Variants in MAPK8IP2 observed in about 807,000 individuals in gnomAD.
MAPK8IP2 encodes the protein C-Jun-amino-terminal kinase-interacting protein 2.
Under a neutral mutation model 75.6 loss-of-function variants are expected in MAPK8IP2, and 15 were observed. The observed-to-expected ratio is 0.20, with a 90% CI of 0.13 to 0.31. MAPK8IP2 has a LOEUF of 0.31. Ranked by LOEUF, MAPK8IP2 falls within the 10% of genes least tolerant of loss-of-function variation. The pLI is 1.00. For missense variants in MAPK8IP2, 1,089 were observed against 1,211.2 expected, an observed-to-expected ratio of 0.90 and a Z score of 1.50; for synonymous variants, 632 against 554.5, an observed-to-expected ratio of 1.14 and a Z score of -1.96.
At chr22:50,606,030 A>T in intron 8 of MAPK8IP2, 96 bp downstream of exon 8, 2 of 1,017,786 alleles carry the variant, frequency 2.0e-6, no homozygotes, top group Non-Finnish European at 2.9e-6. Context: ...CCAAGGTCTG[A>T]GGTCTGATTT....
chr22:50,608,915 A>G (rs1278596725), intron 10 of MAPK8IP2, among the ~76,000 whole-genome samples: 1 of 152,182 alleles, frequency 6.6e-6, no homozygotes, highest in East Asian at 1.9e-4. Flanking sequence ...ATTTCTCATC[A>G]GAAGGAAACT....
Position 50,610,237 on chromosome 22 carries a change from C to A in MAPK8IP2, c.2329C>A (p.Pro777Thr). The part of the protein sequence containing the change: ...SCYFGFITKH[P>T]LLSRFACHVF... Reference sequence around the variant, plus strand: ...CTATTTCGGCTTCATCACCAAACACCCCCTGCTGAGCCGCTTCGCCTGCCA... The same window carrying A: ...CTATTTCGGCTTCATCACCAAACACACCCTGCTGAGCCGCTTCGCCTGCCA... Residue 777 changes from proline (P) to threonine (T), a missense_variant, in exon 11 of 12, where the codon CCC (proline) becomes ACC (threonine). By Grantham distance (38) the Pro-to-Thr change is conservative. Around this residue, in one of 2 missense-constraint regions of MAPK8IP2, gnomAD observed 129 missense variants for 201.7 expected, o/e 0.64. Coordinates refer to ENST00000329492, the MANE Select transcript of MAPK8IP2 (RefSeq NM_012324.6). This position sits in a 1 kb window ranked among gnomAD's most constrained non-coding sequence, Gnocchi z 4.3. 1.2e-6 allele frequency: 2 copies of A among 1,603,300 alleles called. No homozygotes were observed. The highest frequency in any genetic ancestry group is 1.1e-5 in the South Asian group (1 of 89,112).
chr22:50,603,268 T>C lies in MAPK8IP2; in HGVS notation c.217T>C (p.Ser73Pro), dbSNP rs1314999733. Residue 73 changes from serine to proline, a missense_variant, in exon 3 of 12, where the codon TCC becomes CCC. Ser to Pro is a moderately conservative substitution (Grantham distance 74). Transcript: ENST00000329492. ...GRSEQPHPIC[S>P]FQDDFQEFEM... ...CTCGGAGCAGCCGCACCCCATCTGC[T>C]CCTTCCAGGATGACTTCCAGGAGTT... 1 of 1,598,534 alleles carries C rather than the reference T, an allele frequency of 6.3e-7. No homozygotes were observed. Among genetic ancestry groups the C allele is most frequent in the South Asian group, 1.1e-5 (1 of 89,176 alleles).
intron 1 of MAPK8IP2, chr22:50,601,454 T>TCGAATGAG: frequency 4.0e-6 from 1 of 252,828 alleles, no homozygotes; most frequent in South Asian, 6.6e-5. Flanking sequence ...CGCTGCCGCG[T>TCGAATGAG]TGCAGCTCCC....
At position 50,604,262 on chromosome 22, in the gene MAPK8IP2, C is replaced by T. The variant is rs962368990; in HGVS notation, c.963C>T (p.Pro321=). Residue 321 remains proline (P), a synonymous_variant, in exon 5 of 12, where the codon CCC becomes CCT. Coordinates refer to ENST00000329492, the MANE Select transcript of MAPK8IP2 (RefSeq NM_012324.6). The stretch of plus-strand genomic sequence containing the variant: ...CCCCGCGCCGCCCCGCCTTCCTGCC[C>T]GTGGGCCCCGACGACACCAACAGCG... ...REPPRRPAFL[P]VGPDDTNSEY... 1.3e-6 allele frequency: 2 copies of T among 1,568,310 alleles called. No homozygotes were observed. Among genetic ancestry groups the T allele is most frequent in the South Asian group, 1.1e-5 (1 of 87,142 alleles).
chr22:50,604,724 C>T lies in MAPK8IP2; in HGVS notation c.1425C>T (p.Asp475=), dbSNP rs1368706740. ...AACSEEEDEE[D]DEEEEDAEDS... is the part of the protein sequence containing the mutation. Reference sequence around the variant, plus strand: ...GCTCCGAGGAGGAGGACGAAGAGGACGACGAGGAAGAGGAGGATGCCGAGG... The same window carrying T: ...GCTCCGAGGAGGAGGACGAAGAGGATGACGAGGAAGAGGAGGATGCCGAGG... Residue 475 remains aspartate, a synonymous_variant, in exon 5 of 12, where the codon GAC becomes GAT. Transcript: ENST00000329492. 6 of 1,534,538 alleles carry T rather than the reference C, an allele frequency of 3.9e-6. No individual in the cohort carries two copies. Among genetic ancestry groups the T allele is most frequent in the East Asian group, 4.9e-5 (2 of 40,594 alleles).
chr22:50,612,109 T>TTGCA lies in MAPK8IP2; in HGVS notation c.*1331_*1334dup, dbSNP rs1202740962. On this transcript the variant is annotated 3_prime_UTR_variant, in exon 12 of 12. Coordinates refer to ENST00000329492, the MANE Select transcript of MAPK8IP2 (RefSeq NM_012324.6). ...ATCGCTTGAACCTGGGAGGCGGAGGTTGCAGTGAGCCAAGATTGCACCACT... is the reference window on the plus strand; with the variant it reads ...ATCGCTTGAACCTGGGAGGCGGAGGTTGCATGCAGTGAGCCAAGATTGCACCACT... 1 of 152,080 alleles carries TTGCA rather than the reference T, an allele frequency of 6.6e-6. No individual in the cohort carries two copies. The highest frequency in any genetic ancestry group is 1.5e-5 in the Non-Finnish European group (1 of 68,036). 9.4% of individuals were successfully genotyped at this position (152,080 alleles called of 1,614,324 possible). A position where few individuals can be genotyped will look rare whatever the true frequency, so the allele number is the denominator to read the frequency against.
rs1042132157 is a variant in MAPK8IP2 at position 50,610,380 on chromosome 22, A to C, written c.2402+70A>C. On this transcript the variant is annotated intron_variant, in intron 11 of 11. Coordinates refer to ENST00000329492, the MANE Select transcript of MAPK8IP2 (RefSeq NM_012324.6). The surrounding 1 kb of genome is among the most constrained non-coding windows in gnomAD (Gnocchi z 4.3). ...ACGGAGGTGGGGAGCGGAGGTGAGC[A>C]GGTGGGGGCAGGAGCCTGGCAGGGG... is the stretch of plus-strand genomic sequence containing the variant. 7.6e-7 allele frequency: 1 copy of C among 1,308,324 alleles called. No homozygotes were observed. The highest frequency in any genetic ancestry group is 2.0e-5 in the Admixed American group (1 of 50,760). 81.0% of individuals were successfully genotyped at this position (1,308,324 alleles called of 1,614,324 possible). A position where few individuals can be genotyped will look rare whatever the true frequency, so the allele number is the denominator to read the frequency against.
chr22:50,604,090 T>A lies in MAPK8IP2; in HGVS notation c.791T>A (p.Leu264Gln). The A allele has an allele frequency of 1.3e-6, 2 of 1,547,934 alleles. No homozygotes were observed. The highest frequency in any genetic ancestry group is 1.7e-6 in the Non-Finnish European group (2 of 1,155,666). ...SDSEDAGGAR[L>Q]GRMISSISET... is the part of the protein sequence containing the mutation. ...TCGGAGGACGCGGGCGGCGCGCGCC[T>A]GGGGCGCATGATCTCGTCCATCTCG... Residue 264 changes from leucine to glutamine, a missense_variant, in exon 5 of 12, where the codon CTG (leucine) becomes CAG (glutamine). Around this residue, in one of 2 missense-constraint regions of MAPK8IP2, gnomAD observed 960 missense variants for 1,009.6 expected, o/e 0.95. Coordinates refer to ENST00000329492, the MANE Select transcript of MAPK8IP2 (RefSeq NM_012324.6).
chr22:50,604,012 G>T lies in MAPK8IP2; in HGVS notation c.713G>T (p.Gly238Val), dbSNP rs1173491667. Reference protein sequence around the residue: ...IEADLRSRSSGGRGGRRSSQE... With the variant: ...IEADLRSRSSVGRGGRRSSQE... ...GCTGACCTGAGAAGCCGCTCGAGCG[G>T]CGGCCGCGGGGGACGTCGCAGCAGC... Residue 238 changes from glycine (G) to valine (V), a missense_variant, in exon 5 of 12, where the codon GGC becomes GTC. Gly to Val is a moderately radical substitution (Grantham distance 109). Coordinates refer to ENST00000329492, the MANE Select transcript of MAPK8IP2 (RefSeq NM_012324.6). 6.4e-7 allele frequency: 1 copy of T among 1,556,794 alleles called. No individual in the cohort carries two copies.
rs776189362 is a variant in MAPK8IP2 at position 50,606,904 on chromosome 22, G to A, written c.2233-17G>A. ...GGCCTCCTTTGACACAGGGACTTCT[G>A]CCCACCTCTGCTCTAGTTCCAGCGC... On this transcript the variant is annotated splice_polypyrimidine_tract_variant and intron_variant, in intron 9 of 11. Transcript: ENST00000329492. 1.2e-6 allele frequency: 2 copies of A among 1,613,408 alleles called. No individual in the cohort carries two copies. The highest frequency in any genetic ancestry group is 1.7e-5 in the Admixed American group (1 of 60,018).
rs2071035584 is a variant in MAPK8IP2, at chr22:50,605,574, G to C, written c.1854G>C (p.Arg618=). 6.3e-7 allele frequency: 1 copy of C among 1,588,556 alleles called. No individual in the cohort carries two copies. The change falls in exon 7 of 12, where the codon CGG becomes CGC. Residue 618 remains arginine (R), a synonymous_variant. Coordinates refer to ENST00000329492, the MANE Select transcript of MAPK8IP2 (RefSeq NM_012324.6). ...CCCCCAACGGCAGGTTCATCCCGCG[G>C]CATCCAGACGAGCTGGAGCTGGATG... is the stretch of plus-strand genomic sequence containing the variant. The part of the protein sequence containing the change: ...THRAVFRFIP[R]HPDELELDVD...
rs2146681174 is a variant in MAPK8IP2, at chr22:50,603,851, C to T, written c.552C>T (p.Gly184=). ...CTCCCTGCCCAGCAGAGCTCCCGGG[C>T]CCCCTCCCTGCCACGGACACCGGGC... ...PAPEALRELP[G]PLPATDTGPG... is the part of the protein sequence containing the mutation. Residue 184 remains glycine, a synonymous_variant, in exon 5 of 12, where the codon GGC becomes GGT. Transcript: ENST00000329492. The T allele has an allele frequency of 1.3e-6, 2 of 1,528,994 alleles. No individual in the cohort carries two copies. The highest frequency in any genetic ancestry group is 1.8e-6 in the Non-Finnish European group (2 of 1,139,364). The allele number at this position is 1,528,994 out of a possible 1,614,324, so 94.7% of individuals were successfully genotyped here. A position where few individuals can be genotyped will look rare whatever the true frequency, so the allele number is the denominator to read the frequency against.
Position 50,603,457 on chromosome 22 carries a change from C to T in MAPK8IP2, c.406C>T (p.His136Tyr). ...CCCTTCCGTGGAGGAGCCCCACAAG[C>T]ACCGGCCCACCACCCTCCGTCTGAC... Reference protein sequence around the residue: ...PSPSVEEPHKHRPTTLRLTTL... With the variant: ...PSPSVEEPHKYRPTTLRLTTL... The change falls in exon 3 of 12, where the codon CAC (histidine) becomes TAC (tyrosine). Residue 136 changes from histidine to tyrosine, a missense_variant. Physicochemically the swap from His to Tyr is moderately conservative, Grantham distance 83 (BLOSUM62 2). This residue lies in a region of MAPK8IP2 where 960 missense variants were observed against 1,009.6 expected (regional missense o/e 0.95). Transcript: ENST00000329492. 6.4e-7 allele frequency: 1 copy of T among 1,567,700 alleles called. No individual in the cohort carries two copies. The highest frequency in any genetic ancestry group is 8.7e-7 in the Non-Finnish European group (1 of 1,154,332).
In MAPK8IP2 at chr22:50,605,420, G is replaced by A; in HGVS notation, c.1818G>A (p.Glu606=). The change falls in exon 6 of 12, where the codon GAG becomes GAA. Residue 606 remains glutamate, a synonymous_variant. Transcript: ENST00000329492. The part of the protein sequence containing the change: ...FSCLVNGEER[E]QTHRAVFRFI... ...GTCTGGTCAACGGCGAGGAGCGAGA[G>A]CAGACTCACCGGGCTGTGTTCAGGT... 6.2e-7 allele frequency: 1 copy of A among 1,613,694 alleles called. No individual in the cohort carries two copies. Among genetic ancestry groups the A allele is most frequent in the Non-Finnish European group, 8.5e-7 (1 of 1,179,850 alleles).
Position 50,604,772 on chromosome 22 carries a change from C to A in MAPK8IP2, c.1473C>A (p.Gly491=). 6.5e-7 allele frequency: 1 copy of A among 1,544,778 alleles called. No individual in the cohort carries two copies. Among genetic ancestry groups the A allele is most frequent in the Non-Finnish European group, 8.7e-7 (1 of 1,145,672 alleles). ...DAEDSAGSPG[G]RGTGPSAPRD... is the part of the protein sequence containing the mutation. ...AGGACAGTGCGGGGTCCCCCGGGGG[C>A]AGGGGCACGGGCCCCTCGGCGCCGC... The change falls in exon 5 of 12, where the codon GGC becomes GGA. Residue 491 remains glycine, a synonymous_variant. Transcript: ENST00000329492.
In MAPK8IP2 at chr22:50,610,961, C is replaced by CG; in HGVS notation, c.*187dup. 1.8e-6 allele frequency: 1 copy of CG among 565,434 alleles called. No individual in the cohort carries two copies. The highest frequency in any genetic ancestry group is 3.1e-6 in the Non-Finnish European group (1 of 318,204). 35.0% of individuals were successfully genotyped at this position (565,434 alleles called of 1,614,324 possible). The stretch of plus-strand genomic sequence containing the variant: ...CCCCAGGGCGCAGCTGTTGGGGCTG[C>CG]GGGGGAGTGGAGCCCCCGTGCCCCT... On this transcript the variant is annotated 3_prime_UTR_variant, in exon 12 of 12. Coordinates refer to ENST00000329492, the MANE Select transcript of MAPK8IP2 (RefSeq NM_012324.6). This position sits in a 1 kb window ranked among gnomAD's most constrained non-coding sequence, Gnocchi z 4.3.
At position 50,610,875 on chromosome 22, in the gene MAPK8IP2, T is replaced by TG. The variant is rs1205700660; in HGVS notation, c.*102dup. The TG allele has an allele frequency of 1.1e-5, 12 of 1,051,530 alleles. No individual in the cohort carries two copies. The East Asian group carries it at 2.9e-4, about 25-fold the overall frequency. The allele number at this position is 1,051,530 out of a possible 1,614,324, so 65.1% of individuals were successfully genotyped here. A position where few individuals can be genotyped will look rare whatever the true frequency, so the allele number is the denominator to read the frequency against. Reference sequence around the variant, plus strand: ...ACCATGGCTTTGGCAAGGACTGGATTGGGGGGACATGGGACCTTACGCTTG... The same window carrying TG: ...ACCATGGCTTTGGCAAGGACTGGATTGGGGGGGACATGGGACCTTACGCTTG... On this transcript the variant is annotated 3_prime_UTR_variant, in exon 12 of 12. Coordinates refer to ENST00000329492, the MANE Select transcript of MAPK8IP2 (RefSeq NM_012324.6). This position sits in a 1 kb window ranked among gnomAD's most constrained non-coding sequence, Gnocchi z 4.3.
intron 8 of MAPK8IP2, 54 bp from the exon 9 acceptor site, chr22:50,606,604 G>GAT: frequency 1.6e-5 from 21 of 1,284,580 alleles, no homozygotes; most frequent in Non-Finnish European, 2.3e-5. Flanking sequence ...CAAGGGGAAA[G>GAT]AAAGGCCCTT....
Sources: gnomAD v4.1 joint callset for allele counts (sites outside exome capture counted in the v4.1 genomes callset) on GRCh38, gnomAD v4.1.1 for gene constraint, gnomAD v4.1.1 regional missense constraint, Gnocchi (gnomAD v3.1) non-coding constraint, MANE v1.5 for transcripts, NCBI Gene and HGNC (gene_info 2026-07-23, HGNC 2026-07-21) for gene names.